ZC3H15: variants seen among roughly 807,000 people sequenced by gnomAD.
ZC3H15 encodes zinc finger CCCH-type containing 15, also known as zinc finger CCCH domain-containing protein 15.
In ZC3H15, 15 loss-of-function variants were observed where a neutral mutation model predicts 51.2. The ratio of observed to expected loss-of-function variants is 0.29; its 90% CI spans 0.20 to 0.45. The LOEUF (loss-of-function observed/expected upper bound fraction) is 0.45. ZC3H15 is among the 20% of genes least tolerant of loss of function. The probability of loss-of-function intolerance (pLI) is 1.00; values close to 1 mark genes in which losing one functional copy is unlikely to be tolerated. For synonymous variants in ZC3H15, 144 were observed against 162.8 expected (o/e 0.88, Z 0.88); for missense variants, 381 against 494.7 (o/e 0.77, Z 2.18).
At chr2:186,493,983 C>T (rs1019937866) in intron 1 of ZC3H15, among the ~76,000 whole-genome samples, 1 of 150,734 alleles carries the variant, frequency 6.6e-6, no homozygotes, top group South Asian at 2.1e-4. Context: ...CAAAATTCAG[C>T]CCACTACAGA....
At chr2:186,493,348 C>G (rs544155833) in intron 1 of ZC3H15, among the ~76,000 whole-genome samples, 1 of 152,176 alleles carries the variant, frequency 6.6e-6, no homozygotes, top group African/African-American at 2.4e-5. Flanking sequence ...GGGATGTGAG[C>G]CTGAAAATGG....
At chr2:186,493,604 A>G (rs530171294) in intron 1 of ZC3H15, among the ~76,000 whole-genome samples, 2 of 152,216 alleles carry the variant, frequency 1.3e-5, no homozygotes, top group East Asian at 3.9e-4. Context: ...CATGACTACA[A>G]ACTGGGTCAC....
intron 9 of ZC3H15, among the ~76,000 whole-genome samples, chr2:186,507,827 C>G (rs1353541700): frequency 1.3e-5 from 2 of 152,174 alleles, no homozygotes; most frequent in Non-Finnish European, 1.5e-5. Flanking sequence ...TTGACTTGCT[C>G]TTTGTAGAAG....
In ZC3H15 at chr2:186,500,173, A is replaced by C. The variant is rs1460416821; in HGVS notation, c.178-9A>C. On this transcript the variant is annotated splice_polypyrimidine_tract_variant and intron_variant, in intron 2 of 9. Transcript: ENST00000337859. Reference sequence around the variant, plus strand: ...TCAAATTTACATTTTAAACCTGGGAATATTATAGGTAGCACAGAGTGAAGC... The same window carrying C: ...TCAAATTTACATTTTAAACCTGGGACTATTATAGGTAGCACAGAGTGAAGC... 3 of 1,585,936 alleles carry C rather than the reference A, an allele frequency of 1.9e-6. No homozygotes were observed. The highest frequency in any genetic ancestry group is 2.7e-5 in the African/African-American group (2 of 72,946).
rs376617984 is a variant in ZC3H15 at position 186,491,337 on chromosome 2, C to CAACT, written c.76-3894_76-3891dup. Among the ~76,000 whole-genome samples, 552 of 152,160 alleles carry CAACT rather than the reference C, an allele frequency of 3.6e-3. 2 individuals carry two copies. The highest frequency in any genetic ancestry group is 0.013 in the African/African-American group (522 of 41,504). The stretch of plus-strand genomic sequence containing the variant: ...GGAGAAGGAGAGAAGAGAGACAAGC[C>CAACT]AACTACAAGTGATAAATATACTAGC... On this transcript the variant is annotated intron_variant, in intron 1 of 9. Coordinates refer to ENST00000337859, the MANE Select transcript of ZC3H15 (RefSeq NM_018471.3).
intron 3 of ZC3H15, among the ~76,000 whole-genome samples, chr2:186,500,941 G>A (rs375004707): frequency 2.6e-5 from 4 of 152,232 alleles, no homozygotes; most frequent in East Asian, 1.9e-4. Context: ...CCAGAGTGCT[G>A]GAATTACAGG....
intron 1 of ZC3H15, chr2:186,487,500 T>C (rs1176770551): frequency 1.3e-5 from 2 of 152,242 alleles, no homozygotes; most frequent in African/African-American, 4.8e-5. Flanking sequence ...AAGAAAATGC[T>C]TAAGAATTTT....
chr2:186,507,890 A>T (rs1306499886), intron 9 of ZC3H15, among the ~76,000 whole-genome samples: 1 of 152,326 alleles, frequency 6.6e-6, no homozygotes, highest in South Asian at 2.1e-4. Context: ...AGATTATAAA[A>T]TTCCCAAGAC....
rs1685503883 is a variant in ZC3H15 at position 186,508,572 on chromosome 2, A to G, written c.1120A>G (p.Arg374Gly). The G allele has an allele frequency of 6.2e-7, 1 of 1,614,020 alleles. No homozygotes were observed. Among genetic ancestry groups the G allele is most frequent in the Non-Finnish European group, 8.5e-7 (1 of 1,179,950 alleles). The change falls in exon 10 of 10, where the codon AGG (arginine) becomes GGG (glycine). Residue 374 changes from arginine (R) to glycine (G), a missense_variant. Around this residue, in one of 3 missense-constraint regions of ZC3H15, gnomAD observed 215 missense variants for 241.8 expected, o/e 0.89. Transcript: ENST00000337859. ...ENKLSEASGG[R>G]AENGERSDLE... ...CAAATTAAGTGAAGCTTCTGGAGGT[A>G]GGGCTGAAAATGGTGAAAGAAGTGA...
Position 186,506,706 on chromosome 2 carries a change from G to C in ZC3H15, c.967-7G>C. 1 of 1,604,438 alleles carries C rather than the reference G, an allele frequency of 6.2e-7. No individual in the cohort carries two copies. The highest frequency in any genetic ancestry group is 2.2e-5 in the East Asian group (1 of 44,780). On this transcript the variant is annotated splice_region_variant and splice_polypyrimidine_tract_variant and intron_variant, in intron 8 of 9. Transcript: ENST00000337859. ...GTAACAACTTTCTTTTCTATATGTT[G>C]TTAAAGGTTGATGATTCAGTGAGTG...
At position 186,504,670 on chromosome 2, in the gene ZC3H15, A is replaced by C. The variant is rs1353484175; in HGVS notation, c.717+456A>C. 2.0e-5 allele frequency among the ~76,000 whole-genome samples: 3 copies of C among 152,348 alleles called. No homozygotes were observed. The East Asian group carries it at 5.8e-4, about 29-fold the overall frequency. Reference sequence around the variant, plus strand: ...ACACTCACTCTGCTTATAGAAGGGAATGAGTCTGAAGAGGATATTCAGCTA... The same window carrying C: ...ACACTCACTCTGCTTATAGAAGGGACTGAGTCTGAAGAGGATATTCAGCTA... On this transcript the variant is annotated intron_variant, in intron 6 of 9. Coordinates refer to ENST00000337859, the MANE Select transcript of ZC3H15 (RefSeq NM_018471.3).
chr2:186,492,729 T>C (rs1685220218), intron 1 of ZC3H15, among the ~76,000 whole-genome samples: 1 of 152,226 alleles, frequency 6.6e-6, no homozygotes. Context: ...TATTGTTTTC[T>C]TTTTCTAGCT....
intron 9 of ZC3H15, 45 bp downstream of exon 9, chr2:186,506,881 T>C (rs1048477655): frequency 1.3e-5 from 20 of 1,585,656 alleles, no homozygotes; most frequent in African/African-American, 2.7e-5. Context: ...TAGGAAGTTA[T>C]CTAAAGGGGG....
chr2:186,508,452 G>T, intron 9 of ZC3H15, 91 bp from the exon 10 acceptor site: 1 of 1,096,142 alleles, frequency 9.1e-7, no homozygotes. Flanking sequence ...AAGGAAAAGA[G>T]GAAGTGTAGT....
At chr2:186,494,011 A>G (rs1293918733) in intron 1 of ZC3H15, among the ~76,000 whole-genome samples, 2 of 150,568 alleles carry the variant, frequency 1.3e-5, no homozygotes, top group African/African-American at 4.9e-5. Flanking sequence ...TCCCCTCCAC[A>G]CACACGCTTG....
chr2:186,495,893 G>A (rs1235767394), intron 2 of ZC3H15, among the ~76,000 whole-genome samples: 2 of 152,036 alleles, frequency 1.3e-5, no homozygotes, highest in African/African-American at 2.4e-5. Flanking sequence ...TGTTTCCCTC[G>A]CTACTGGAGA....
In ZC3H15 at chr2:186,503,633, G is replaced by A. The variant is rs541375556; in HGVS notation, c.535-399G>A. 3.5e-3 allele frequency among the ~76,000 whole-genome samples: 536 copies of A among 152,196 alleles called. 1 individual carries two copies. The highest frequency in any genetic ancestry group is 0.012 in the African/African-American group (506 of 41,526). ...CCTCAGCAGGTGATCCGCCCGCCTCGGCCTCCCAAAGTGCTGGGATTATAG... is the reference window on the plus strand; with the variant it reads ...CCTCAGCAGGTGATCCGCCCGCCTCAGCCTCCCAAAGTGCTGGGATTATAG... On this transcript the variant is annotated intron_variant, in intron 5 of 9. Coordinates refer to ENST00000337859, the MANE Select transcript of ZC3H15 (RefSeq NM_018471.3).
intron 2 of ZC3H15, chr2:186,497,146 A>G (rs1185865049): frequency 4.5e-6 from 2 of 442,988 alleles, no homozygotes; most frequent in Non-Finnish European, 8.9e-6. Context: ...TTTTTCCACC[A>G]TTTTTATCTC....
intron 2 of ZC3H15, among the ~76,000 whole-genome samples, chr2:186,496,942 C>A (rs1400353081): frequency 6.6e-6 from 1 of 152,144 alleles, no homozygotes; most frequent in Non-Finnish European, 1.5e-5. Flanking sequence ...CAAGGCAAGT[C>A]TTTTCCCCAA....
Sources: allele counts gnomAD v4.1 joint callset (sites outside exome capture counted in the v4.1 genomes callset), GRCh38; gene constraint gnomAD v4.1.1; regional missense constraint gnomAD v4.1.1; transcripts MANE v1.5; gene names NCBI Gene and HGNC (gene_info 2026-07-23, HGNC 2026-07-21).